WTAP: variants seen among roughly 807,000 people sequenced by gnomAD.
WTAP encodes the protein WT1 associated protein, also known as pre-mRNA-splicing regulator WTAP.
A neutral mutation model predicts 50.0 loss-of-function variants in WTAP; 8 were observed. That is an observed-to-expected ratio of 0.16 (90% CI 0.09 to 0.29). The LOEUF (loss-of-function observed/expected upper bound fraction) is 0.29, where lower values mean the gene tolerates loss of function less well. WTAP is among the 10% of genes least tolerant of loss of function. The pLI, the probability that WTAP is intolerant of heterozygous loss-of-function variation, is 1.00. For missense variants in WTAP, 295 were observed against 470.7 expected (o/e 0.63, Z 3.45); for synonymous variants, 194 against 169.0 (o/e 1.15, Z -1.15).
chr6:159,747,055 A>G (rs1779617699), intron 5 of WTAP, among the ~76,000 whole-genome samples: 1 of 152,234 alleles, frequency 6.6e-6, no homozygotes, highest in Admixed American at 6.5e-5. Flanking sequence ...AGTGAAACAA[A>G]TATATTCCCA....
chr6:159,755,749 G>GT lies in WTAP; in HGVS notation c.*148dup, dbSNP rs1402868444. On this transcript the variant is annotated 3_prime_UTR_variant, in exon 8 of 8. Coordinates refer to ENST00000621533, the MANE Select transcript of WTAP (RefSeq NM_001270531.2). Reference sequence around the variant, plus strand: ...TTTTTTTTTGTTGTTTTTTTTCTTTGTTTTTTTTTTCTTTTCTTTTTTTTT... The same window carrying GT: ...TTTTTTTTTGTTGTTTTTTTTCTTTGTTTTTTTTTTTCTTTTCTTTTTTTTT... The GT allele has an allele frequency of 0.028, 8,588 of 312,100 alleles. 1 individual carries two copies. Among genetic ancestry groups the GT allele is most frequent in the Middle Eastern group, 0.032 (30 of 944 alleles). 19.3% of individuals were successfully genotyped at this position (312,100 alleles called of 1,614,324 possible).
At chr6:159,740,415 C>A (rs1779182832) in intron 3 of WTAP, among the ~76,000 whole-genome samples, 1 of 151,946 alleles carries the variant, frequency 6.6e-6, no homozygotes, top group Non-Finnish European at 1.5e-5. Context: ...TCTTTGATTC[C>A]CTTGGAGATT....
intron 1 of WTAP, among the ~76,000 whole-genome samples, chr6:159,734,559 C>A (rs575794477): frequency 1.6e-4 from 25 of 152,210 alleles, no homozygotes; most frequent in African/African-American, 5.3e-4. Context: ...ACAGGTAGTT[C>A]TAGCTACTTG....
chr6:159,741,812 A>AC (rs1403667180), intron 3 of WTAP: 50 of 284,214 alleles, frequency 1.8e-4, no homozygotes, highest in Middle Eastern at 1.2e-3. Flanking sequence ...ACGTAGTGAG[A>AC]CCCCATCTCT....
At chr6:159,751,334 G>A (rs1172063180) in intron 6 of WTAP, among the ~76,000 whole-genome samples, 1 of 152,182 alleles carries the variant, frequency 6.6e-6, no homozygotes, top group Non-Finnish European at 1.5e-5. Flanking sequence ...ACAGATTAAT[G>A]TATCTTACAG....
Position 159,748,481 on chromosome 6 carries a change from CA to C in WTAP, c.452+120del, listed in dbSNP as rs940152324. 4.9e-5 allele frequency: 73 copies of C among 1,494,376 alleles called. No individual in the cohort carries two copies. The highest frequency in any genetic ancestry group is 9.4e-5 in the Admixed American group (4 of 42,358). 92.6% of individuals were successfully genotyped at this position (1,494,376 alleles called of 1,614,324 possible). On this transcript the variant is annotated intron_variant, in intron 6 of 7. Transcript: ENST00000621533. The surrounding 1 kb of genome is among the most constrained non-coding windows in gnomAD (Gnocchi z 5.6). Reference sequence around the variant, plus strand: ...ACACCAAGACTCAGACTTTTTGAGCCAAAAAAAAGCCACATTCTTACACTGT... The same window carrying C: ...ACACCAAGACTCAGACTTTTTGAGCCAAAAAAAGCCACATTCTTACACTGT...
chr6:159,736,225 A>T (rs775833826), intron 1 of WTAP, 33 bp from the exon 2 acceptor site: 2 of 1,577,680 alleles, frequency 1.3e-6, no homozygotes, highest in Non-Finnish European at 1.7e-6. Flanking sequence ...AAGAAAATAA[A>T]TTGAACTTGT....
chr6:159,748,030 T>C lies in WTAP; in HGVS notation c.274-161T>C, dbSNP rs979583258. 1.3e-5 allele frequency among the ~76,000 whole-genome samples: 2 copies of C among 152,226 alleles called. No homozygotes were observed. The highest frequency in any genetic ancestry group is 4.8e-5 in the African/African-American group (2 of 41,466). On this transcript the variant is annotated intron_variant, in intron 5 of 7. Transcript: ENST00000621533. The surrounding 1 kb of genome is among the most constrained non-coding windows in gnomAD (Gnocchi z 5.6). ...ATCAAATAGTTTTTAGTCTGTACTTTTTCTAGAAAGTTTTAAGATTTTTCT... is the reference window on the plus strand; with the variant it reads ...ATCAAATAGTTTTTAGTCTGTACTTCTTCTAGAAAGTTTTAAGATTTTTCT...
chr6:159,740,703 T>G (rs1384102005), intron 3 of WTAP, among the ~76,000 whole-genome samples: 1 of 151,342 alleles, frequency 6.6e-6, no homozygotes, highest in Non-Finnish European at 1.5e-5. Flanking sequence ...TTTTCTTTTT[T>G]CTTTCTTTTT....
In WTAP at chr6:159,739,016, A is replaced by G. The variant is rs1779085968; in HGVS notation, c.57A>G (p.Lys19=). The change falls in exon 3 of 8, where the codon AAA becomes AAG. Residue 19 remains lysine (K), a synonymous_variant. Transcript: ENST00000621533. ...KKVRLSETDF[K]VMARDELILR... ...TTCGATTGAGTGAAACAGACTTCAA[A>G]GTTATGGCAAGAGATGAGTTAATTC... 8 of 1,612,364 alleles carry G rather than the reference A, an allele frequency of 5.0e-6. No individual in the cohort carries two copies. Among genetic ancestry groups the G allele is most frequent in the Non-Finnish European group, 6.8e-6 (8 of 1,179,058 alleles).
chr6:159,733,691 A>T (rs1778729279), intron 1 of WTAP, among the ~76,000 whole-genome samples: 1 of 152,048 alleles, frequency 6.6e-6, no homozygotes, highest in Admixed American at 6.6e-5. Flanking sequence ...AGGTGGGCAG[A>T]TCACCTGAGG....
chr6:159,727,318 G>A, upstream of WTAP: 1 of 1,280,114 alleles, frequency 7.8e-7, no homozygotes, highest in Non-Finnish European at 1.0e-6. Context: ...GGCCACGCCT[G>A]AAAGGCGACT....
intron 6 of WTAP, among the ~76,000 whole-genome samples, chr6:159,749,857 C>T (rs1300086637): frequency 6.6e-6 from 1 of 152,056 alleles, no homozygotes; most frequent in African/African-American, 2.4e-5. Context: ...GAATTTTTTC[C>T]GTCAGATCAT....
intron 5 of WTAP, among the ~76,000 whole-genome samples, chr6:159,746,015 AAAG>A (rs1217995846): frequency 1.3e-5 from 2 of 152,210 alleles, no homozygotes; most frequent in African/African-American, 4.8e-5. Flanking sequence ...TCAAATTTTA[AAAG>A]AAGAGTAGAG....
intron 2 of WTAP, among the ~76,000 whole-genome samples, chr6:159,738,193 T>C (rs1779036685): frequency 6.6e-6 from 1 of 152,240 alleles, no homozygotes; most frequent in Non-Finnish European, 1.5e-5. Flanking sequence ...ATCTGAACTA[T>C]CACCATAAAG....
At chr6:159,734,345 C>T (rs1384698091) in intron 1 of WTAP, among the ~76,000 whole-genome samples, 1 of 149,110 alleles carries the variant, frequency 6.7e-6, no homozygotes, top group Non-Finnish European at 1.5e-5. Flanking sequence ...CCACAGCACT[C>T]CAGCCTGGCA....
intron 5 of WTAP, among the ~76,000 whole-genome samples, chr6:159,746,870 T>C (rs1779607941): frequency 6.6e-6 from 1 of 152,196 alleles, no homozygotes; most frequent in South Asian, 2.1e-4. Flanking sequence ...AATGAAAGTG[T>C]TGACTATTGG....
At position 159,727,665 on chromosome 6, in the gene WTAP, A is replaced by T. The variant is rs564156087; in HGVS notation, c.-47A>T. ...AGGGCAAGCAGCGCGGCCTCGGCCT[A>T]TGCGACCGGTGGCGCCGGCGCGGCT... On this transcript the variant is annotated 5_prime_UTR_variant, in exon 1 of 8. The change abolishes an upstream ATG in the 5' untranslated region. Transcript: ENST00000621533. 4.1e-6 allele frequency: 4 copies of T among 985,156 alleles called. No homozygotes were observed. The highest frequency in any genetic ancestry group is 1.1e-4 in the East Asian group (1 of 8,792). The allele number at this position is 985,156 out of a possible 1,614,324, so 61.0% of individuals were successfully genotyped here. A position where few individuals can be genotyped will look rare whatever the true frequency, so the allele number is the denominator to read the frequency against.
rs146208471 is a variant in WTAP, at chr6:159,755,499, A to G, written c.1079A>G (p.His360Arg). Residue 360 changes from histidine to arginine, a missense_variant, in exon 8 of 8, where the codon CAT becomes CGT. His to Arg is a conservative substitution (Grantham distance 29). Coordinates refer to ENST00000621533, the MANE Select transcript of WTAP (RefSeq NM_001270531.2). ...CAATCAAATGACACAGACTCCAGTC[A>G]TGACCCTCAAGAGGAGAAAGCAGTG... ...THQSNDTDSSHDPQEEKAVSG... is the reference protein window; with the variant it reads ...THQSNDTDSSRDPQEEKAVSG... The G allele has an allele frequency of 5.7e-4, 920 of 1,614,212 alleles. No homozygotes were observed. The highest frequency in any genetic ancestry group is 6.6e-4 in the Non-Finnish European group (773 of 1,180,038).
Sources: allele counts gnomAD v4.1 joint callset (sites outside exome capture counted in the v4.1 genomes callset), GRCh38; gene constraint gnomAD v4.1.1; non-coding constraint Gnocchi (gnomAD v3.1); transcripts MANE v1.5; gene names NCBI Gene and HGNC (gene_info 2026-07-23, HGNC 2026-07-21).